PADI2: variants seen among roughly 807,000 people sequenced by gnomAD.
The protein encoded by PADI2 is protein-arginine deiminase type-2.
A neutral mutation model predicts 81.1 loss-of-function variants in PADI2; 70 were observed. The ratio of observed to expected loss-of-function variants is 0.86; its 90% CI spans 0.71 to 1.05. The LOEUF (loss-of-function observed/expected upper bound fraction) is 1.05, where lower values mean the gene tolerates loss of function less well. Ranked by LOEUF, PADI2 falls within the 50% of genes least tolerant of loss-of-function variation. The pLI, the probability that PADI2 is intolerant of heterozygous loss-of-function variation, is 0.00. For missense variants in PADI2, 853 were observed against 889.9 expected (o/e 0.96, Z 0.53); for synonymous variants, 338 against 358.0 (o/e 0.94, Z 0.63).
intron 3 of PADI2, among the ~76,000 whole-genome samples, chr1:17,098,280 C>G (rs750109516): frequency 6.6e-6 from 1 of 152,192 alleles, no homozygotes; most frequent in South Asian, 2.1e-4. Context: ...GTGCCCATTT[C>G]CCCACCTTGG....
chr1:17,076,111 C>T (rs2647203), intron 11 of PADI2, among the ~76,000 whole-genome samples: 54,321 of 152,110 alleles, frequency 0.36, 10,091 homozygotes, highest in East Asian at 0.61. Flanking sequence ...CTTTTGTGTG[C>T]GGGAGTCCCA....
chr1:17,092,605 T>C (rs1364918183), intron 5 of PADI2, 72 bp from the exon 6 acceptor site: 4 of 1,389,658 alleles, frequency 2.9e-6, no homozygotes, highest in Admixed American at 2.4e-5. Context: ...GCCTTTTACT[T>C]TGATAATCAG....
chr1:17,095,131 A>G (rs1002372168), intron 4 of PADI2, among the ~76,000 whole-genome samples: 5 of 152,236 alleles, frequency 3.3e-5, no homozygotes, highest in African/African-American at 7.2e-5. Flanking sequence ...CATGGCAAAA[A>G]TTGAGATAAT....
intron 1 of PADI2, among the ~76,000 whole-genome samples, chr1:17,106,842 T>C (rs1005120254): frequency 1.3e-5 from 2 of 151,958 alleles, no homozygotes; most frequent in Non-Finnish European, 2.9e-5. Context: ...TCTCTCTCCA[T>C]GGACTGAGGA....
At chr1:17,103,124 G>T in intron 2 of PADI2, 65 bp from the exon 3 acceptor site, 1 of 1,235,788 alleles carries the variant, frequency 8.1e-7, no homozygotes, top group Non-Finnish European at 1.2e-6. Flanking sequence ...ATCACAAGCA[G>T]GAAAACCTGA....
rs58352567 is a variant in PADI2, at chr1:17,112,593, C to T, written c.92+6687G>A. ...CGAGCAAGAGGCAGGCAAGGACCAGCGGGGAGAATGACCTCAGTCCAGACC... is the reference window on the plus strand; with the variant it reads ...CGAGCAAGAGGCAGGCAAGGACCAGTGGGGAGAATGACCTCAGTCCAGACC... On this transcript the variant is annotated intron_variant, in intron 1 of 15. Coordinates refer to ENST00000375486, the MANE Select transcript of PADI2 (RefSeq NM_007365.3). 3.2e-4 allele frequency among the ~76,000 whole-genome samples: 48 copies of T among 151,928 alleles called. 1 individual carries two copies. The highest frequency in any genetic ancestry group is 2.1e-3 in the South Asian group (10 of 4,818).
At chr1:17,102,752 G>GT (rs1553183547) in intron 3 of PADI2, among the ~76,000 whole-genome samples, 5 of 27,794 alleles carry the variant, frequency 1.8e-4, no homozygotes, top group African/African-American at 6.8e-4. Flanking sequence ...CTTGACACTT[G>GT]GGGGGGGGTT....
intron 2 of PADI2, among the ~76,000 whole-genome samples, chr1:17,104,426 C>CTTTTTTTTTTT (rs1233283967): frequency 1.2e-4 from 12 of 98,290 alleles, no homozygotes; most frequent in African/African-American, 4.6e-4. Context: ...TTCTTTTTGC[C>CTTTTTTTTTTT]TTTTCTTTTT....
chr1:17,089,870 G>A (rs1930622798), intron 6 of PADI2, among the ~76,000 whole-genome samples: 1 of 152,116 alleles, frequency 6.6e-6, no homozygotes, highest in African/African-American at 2.4e-5. Context: ...CTGGCACGTG[G>A]TTTGCCTTAA....
At chr1:17,095,068 T>C (rs1408236795) in intron 4 of PADI2, among the ~76,000 whole-genome samples, 1 of 152,242 alleles carries the variant, frequency 6.6e-6, no homozygotes, top group East Asian at 1.9e-4. Context: ...AGTACCCCTC[T>C]ATGTATACTT....
intron 12 of PADI2, 40 bp from the exon 13 acceptor site, chr1:17,074,989 A>G: frequency 7.3e-7 from 1 of 1,363,536 alleles, no homozygotes; most frequent in Non-Finnish European, 1.0e-6. Context: ...CAGCAGTGGG[A>G]AGGCACCCAA....
At chr1:17,104,288 TCAAA>T (rs1300083864) in intron 2 of PADI2, among the ~76,000 whole-genome samples, 4 of 151,616 alleles carry the variant, frequency 2.6e-5, no homozygotes, top group Non-Finnish European at 5.9e-5. Flanking sequence ...AGACTCCGTC[TCAAA>T]CAAACAAACA....
chr1:17,086,917 C>G (rs1288586805), intron 6 of PADI2, among the ~76,000 whole-genome samples: 1 of 152,206 alleles, frequency 6.6e-6, no homozygotes, highest in African/African-American at 2.4e-5. Context: ...GACAGTCACC[C>G]TCTCTGGCTT....
At chr1:17,081,683 G>A (rs2078344842) in intron 10 of PADI2, among the ~76,000 whole-genome samples, 1 of 152,224 alleles carries the variant, frequency 6.6e-6, no homozygotes, top group Non-Finnish European at 1.5e-5. Flanking sequence ...GGGCAGAAGA[G>A]TGCAGACAAA....
intron 1 of PADI2, among the ~76,000 whole-genome samples, chr1:17,112,244 C>T (rs1048471622): frequency 6.6e-6 from 1 of 152,066 alleles, no homozygotes; most frequent in Non-Finnish European, 1.5e-5. Context: ...CGACACTTGC[C>T]CAGTCCCACA....
intron 2 of PADI2, 22 bp downstream of exon 2, chr1:17,104,856 G>A: frequency 6.5e-7 from 1 of 1,546,778 alleles, no homozygotes; most frequent in Non-Finnish European, 8.7e-7. Context: ...GCCCGCAGAG[G>A]CTGGACTTCC....
intron 13 of PADI2, among the ~76,000 whole-genome samples, chr1:17,073,275 G>A (rs929742502): frequency 6.6e-6 from 1 of 151,986 alleles, no homozygotes; most frequent in African/African-American, 2.4e-5. Flanking sequence ...AAATTAGCCG[G>A]GCGTGGTGGC....
In PADI2 at chr1:17,071,432, G is replaced by C. The variant is rs143012694; in HGVS notation, c.1609C>G (p.Leu537Val). ...TGGAAGTACAGGTTCTCCTGCACAA[G>C]GCTCTCGTTGGACAGAATCTTGTTG... is the stretch of plus-strand genomic sequence containing the variant. ...TINKILSNES[L>V]VQENLYFQRC... Residue 537 changes from leucine (L) to valine (V), a missense_variant, in exon 14 of 16, where the codon CTT becomes GTT. Leu to Val is a conservative substitution (Grantham distance 32, BLOSUM62 1). Coordinates refer to ENST00000375486, the MANE Select transcript of PADI2 (RefSeq NM_007365.3). 3 of 1,614,080 alleles carry C rather than the reference G, an allele frequency of 1.9e-6. No individual in the cohort carries two copies. Among genetic ancestry groups the C allele is most frequent in the Non-Finnish European group, 2.5e-6 (3 of 1,179,892 alleles).
Position 17,093,654 on chromosome 1 carries a change from C to T in PADI2, c.442G>A (p.Gly148Arg). ...TCACAGTTCACCAGCAGGATGGCCC[C>T]CTGGCCCTCGGGGCCCCAGGTCCAG... ...ASWTWGPEGQ[G>R]AILLVNCDRE... Residue 148 changes from glycine to arginine, a missense_variant, in exon 5 of 16, where the codon GGG becomes AGG. Physicochemically the swap from Gly to Arg is moderately radical, Grantham distance 125. Coordinates refer to ENST00000375486, the MANE Select transcript of PADI2 (RefSeq NM_007365.3). The T allele has an allele frequency of 1.2e-6, 2 of 1,613,902 alleles. No homozygotes were observed. Among genetic ancestry groups the T allele is most frequent in the African/African-American group, 2.7e-5 (2 of 75,048 alleles).
Sources: gnomAD v4.1 joint callset for allele counts (sites outside exome capture counted in the v4.1 genomes callset) on GRCh38, gnomAD v4.1.1 for gene constraint, MANE v1.5 for transcripts, NCBI Gene and HGNC (gene_info 2026-07-23, HGNC 2026-07-21) for gene names.